The following FRMD3 variants were observed in gnomAD, a reference collection of about 807,000 sequenced individuals.
FRMD3 encodes FERM domain containing 3.
FRMD3 carries 33 observed loss-of-function variants against 70.2 expected under a neutral mutation model. The observed-to-expected ratio is 0.47, with a 90% CI of 0.36 to 0.63. The LOEUF (loss-of-function observed/expected upper bound fraction) is 0.63. Among genes scored for constraint, FRMD3 ranks in the 20% least tolerant of loss-of-function variants. The pLI is 0.00. For synonymous variants in FRMD3, 279 were observed against 255.9 expected, an observed-to-expected ratio of 1.09 and a Z score of -0.86; for missense variants, 632 against 711.4, an observed-to-expected ratio of 0.89 and a Z score of 1.27.
At chr9:83,579,378 T>C in the FRMD3 span, among the ~76,000 whole-genome samples, 3 of 151,054 alleles carry the variant, frequency 2.0e-5, no homozygotes, top group Admixed American at 1.3e-4. Context: ...CCTGATTTCA[T>C]AGTATGTTAT....
At chr9:83,402,028 G>A (rs1343354640) in intron 1 of FRMD3, among the ~76,000 whole-genome samples, 3 of 151,746 alleles carry the variant, frequency 2.0e-5, no homozygotes, top group African/African-American at 7.3e-5. Flanking sequence ...TATGCCTCAG[G>A]CATTTCTATA....
chr9:83,485,302 T>A (rs1189648815), intron 1 of FRMD3, among the ~76,000 whole-genome samples: 1 of 152,230 alleles, frequency 6.6e-6, no homozygotes, highest in Non-Finnish European at 1.5e-5. Flanking sequence ...AACACGAGCA[T>A]CCATCTCATT....
In FRMD3 at chr9:83,245,461, A is replaced by G; in HGVS notation, c.*2457T>C. The G allele has an allele frequency of 2.0e-6, 2 of 985,022 alleles. No homozygotes were observed. The highest frequency in any genetic ancestry group is 2.4e-6 in the Non-Finnish European group (2 of 829,584). The allele number at this position is 985,022 out of a possible 1,614,324, so 61.0% of individuals were successfully genotyped here. A position where few individuals can be genotyped will look rare whatever the true frequency, so the allele number is the denominator to read the frequency against. ...AAATTCAGCAGACCCTATTCTGTCA[A>G]CTTCTTCACTTAAAAACATTTCTAT... On this transcript the variant is annotated 3_prime_UTR_variant, in exon 14 of 14. Coordinates refer to ENST00000304195, the MANE Select transcript of FRMD3 (RefSeq NM_174938.6).
At chr9:83,500,305 A>C (rs1276693640) in intron 1 of FRMD3, among the ~76,000 whole-genome samples, 1 of 148,582 alleles carries the variant, frequency 6.7e-6, no homozygotes, top group Non-Finnish European at 1.5e-5. Flanking sequence ...ACACTAACAC[A>C]AGATGGTAGT....
At chr9:83,447,547 G>GT (rs1274952874) in intron 1 of FRMD3, among the ~76,000 whole-genome samples, 1 of 151,120 alleles carries the variant, frequency 6.6e-6, no homozygotes, top group Non-Finnish European at 1.5e-5. Flanking sequence ...GCTCAGGTGA[G>GT]TTCTGTCATG....
chr9:83,517,396 C>T (rs1829476482), intron 1 of FRMD3, among the ~76,000 whole-genome samples: 2 of 144,002 alleles, frequency 1.4e-5, no homozygotes, highest in Admixed American at 1.4e-4. Context: ...TTCCTGGACA[C>T]ATACACCCTT....
chr9:83,524,276 T>C (rs1244711755), intron 1 of FRMD3, among the ~76,000 whole-genome samples: 2 of 152,198 alleles, frequency 1.3e-5, no homozygotes, highest in East Asian at 3.8e-4. Context: ...ATTTGAAATT[T>C]CAAACTACAA....
At chr9:83,581,358 T>C in the FRMD3 span, among the ~76,000 whole-genome samples, 5 of 152,146 alleles carry the variant, frequency 3.3e-5, no homozygotes, top group Non-Finnish European at 7.3e-5. Context: ...AATAAGCACA[T>C]GAAGAGATGC....
chr9:83,416,751 C>G (rs998359385), intron 1 of FRMD3, among the ~76,000 whole-genome samples: 32 of 102,136 alleles, frequency 3.1e-4, no homozygotes, highest in African/African-American at 1.2e-3. Context: ...CTCTGTCTCT[C>G]TCTCTCTCTC....
intron 1 of FRMD3, chr9:83,467,850 T>C: frequency 5.2e-6 from 7 of 1,348,042 alleles, no homozygotes; most frequent in Non-Finnish European, 6.7e-6. Context: ...AGGTTGATGG[T>C]TTTTTAAAAA....
intron 1 of FRMD3, among the ~76,000 whole-genome samples, chr9:83,485,821 T>C (rs1378591950): frequency 1.3e-5 from 2 of 152,124 alleles, no homozygotes; most frequent in Non-Finnish European, 2.9e-5. Context: ...TGCACACACA[T>C]GAAGATTGCT....
chr9:83,573,583 T>C, the FRMD3 span, among the ~76,000 whole-genome samples: 1 of 152,032 alleles, frequency 6.6e-6, no homozygotes, highest in Non-Finnish European at 1.5e-5. Context: ...ACACAACTAG[T>C]CTCTCTGCCT....
At chr9:83,563,423 G>T in the FRMD3 span, among the ~76,000 whole-genome samples, 1 of 152,158 alleles carries the variant, frequency 6.6e-6, no homozygotes, top group South Asian at 2.1e-4. Context: ...CCAACAAAAA[G>T]CTGGGTTAGC....
intron 13 of FRMD3, among the ~76,000 whole-genome samples, chr9:83,273,071 G>A (rs113239851): frequency 0.2 from 28,666 of 144,266 alleles, 3,395 homozygotes; most frequent in African/African-American, 0.33. Flanking sequence ...GCCTCTGCCC[G>A]GCCACCCCTT....
Position 83,488,035 on chromosome 9 carries a change from A to AC in FRMD3, c.147+50049dup, listed in dbSNP as rs890582624. ...TGGGTTACAGCTACAATAGAAATAG[A>AC]CCCCCCAAGCTTTTAACTCCTACAG... On this transcript the variant is annotated intron_variant, in intron 1 of 13. Coordinates refer to ENST00000304195, the MANE Select transcript of FRMD3 (RefSeq NM_174938.6). Among the ~76,000 whole-genome samples, 16 of 152,036 alleles carry AC rather than the reference A, an allele frequency of 1.1e-4. 1 individual carries two copies. Among genetic ancestry groups the AC allele is most frequent in the East Asian group, 5.8e-4 (3 of 5,158 alleles).
intron 1 of FRMD3, among the ~76,000 whole-genome samples, chr9:83,456,251 T>A (rs749234481): frequency 6.6e-6 from 1 of 152,238 alleles, no homozygotes; most frequent in Non-Finnish European, 1.5e-5. Context: ...ATGAGCTGCC[T>A]TGTTCTTTTT....
At chr9:83,349,043 A>G (rs1824055744) in intron 4 of FRMD3, among the ~76,000 whole-genome samples, 1 of 152,206 alleles carries the variant, frequency 6.6e-6, no homozygotes, top group South Asian at 2.1e-4. Context: ...TCTAGAGTTA[A>G]GCGCACAGCA....
At chr9:83,568,109 T>C in the FRMD3 span, among the ~76,000 whole-genome samples, 1 of 152,180 alleles carries the variant, frequency 6.6e-6, no homozygotes, top group South Asian at 2.1e-4. Context: ...TGGTAGGAGA[T>C]GAAAGGCATT....
the FRMD3 span, among the ~76,000 whole-genome samples, chr9:83,568,190 C>T: frequency 6.6e-6 from 1 of 152,162 alleles, no homozygotes; most frequent in Admixed American, 6.5e-5. Flanking sequence ...CCCACCAGAT[C>T]TCATGAGACT....
Sources: gnomAD v4.1 joint callset for allele counts (sites outside exome capture counted in the v4.1 genomes callset) on GRCh38, gnomAD v4.1.1 for gene constraint, MANE v1.5 for transcripts, NCBI Gene and HGNC (gene_info 2026-07-23, HGNC 2026-07-21) for gene names.